DENND2B: variants seen among roughly 807,000 people sequenced by gnomAD.
DENND2B encodes DENN domain containing 2B, also known as DENN domain-containing protein 2B.
DENND2B carries 32 observed loss-of-function variants against 116.0 expected under a neutral mutation model. That is an observed-to-expected ratio of 0.28 (90% CI 0.21 to 0.37). DENND2B has a LOEUF of 0.37. Ranked by LOEUF, DENND2B falls within the 10% of genes least tolerant of loss-of-function variation. The pLI, the probability that DENND2B is intolerant of heterozygous loss-of-function variation, is 1.00. For missense variants in DENND2B, 1,276 were observed against 1,477.7 expected (o/e 0.86, Z 2.24); for synonymous variants, 588 against 583.9 (o/e 1.01, Z -0.10).
At chr11:8,849,598 C>A (rs1261514690) in intron 3 of DENND2B, among the ~76,000 whole-genome samples, 1 of 149,354 alleles carries the variant, frequency 6.7e-6, no homozygotes, top group East Asian at 2.0e-4. Context: ...CCAAGGTGGG[C>A]AGATCACTTG....
intron 2 of DENND2B, among the ~76,000 whole-genome samples, chr11:8,870,269 C>T (rs1395327683): frequency 6.6e-6 from 1 of 152,126 alleles, no homozygotes; most frequent in Admixed American, 6.5e-5. Context: ...ATGCAATAAG[C>T]CCTCTTTAGA....
intron 2 of DENND2B, among the ~76,000 whole-genome samples, chr11:8,746,012 G>A (rs764108015): frequency 6.6e-6 from 1 of 151,652 alleles, no homozygotes; most frequent in African/African-American, 2.4e-5. Context: ...ACTAAGTTTG[G>A]GGTCATTTGT....
chr11:8,859,364 G>A (rs924646479), intron 2 of DENND2B, among the ~76,000 whole-genome samples: 1 of 152,032 alleles, frequency 6.6e-6, no homozygotes, highest in African/African-American at 2.4e-5. Context: ...CTGGAGTGCA[G>A]TGGCGCGATC....
chr11:8,729,903 G>C lies in DENND2B; in HGVS notation c.1340+47C>G, dbSNP rs2047802849. On this transcript the variant is annotated intron_variant, in intron 3 of 19. Coordinates refer to ENST00000313726, the MANE Select transcript of DENND2B (RefSeq NM_213618.2). ...CTGTGTTTGCACTGTCCATTTAAAA[G>C]AAAGCCACGGTATTCAGCTACAACA... 5 of 1,593,208 alleles carry C rather than the reference G, an allele frequency of 3.1e-6. No individual in the cohort carries two copies. The East Asian group carries it at 8.9e-5, about 28-fold the overall frequency.
intron 2 of DENND2B, among the ~76,000 whole-genome samples, chr11:8,733,395 T>C (rs1445864661): frequency 6.6e-6 from 1 of 152,244 alleles, no homozygotes; most frequent in Non-Finnish European, 1.5e-5. Flanking sequence ...AGAGGACAAT[T>C]TCATTTGTTT....
chr11:8,787,334 A>G (rs566000834), intron 1 of DENND2B: 2 of 83,286 alleles, frequency 2.4e-5, no homozygotes, highest in African/African-American at 7.3e-5. Context: ...CAGAGCTGAC[A>G]GTTTTCTTTT....
chr11:8,780,539 C>T (rs997464928), intron 1 of DENND2B, among the ~76,000 whole-genome samples: 8 of 152,124 alleles, frequency 5.3e-5, no homozygotes, highest in Non-Finnish European at 7.4e-5. Context: ...AAGCAGAAGA[C>T]GTATGAAGGA....
At chr11:8,727,320 T>C (rs2047237600) in intron 3 of DENND2B, among the ~76,000 whole-genome samples, 1 of 152,186 alleles carries the variant, frequency 6.6e-6, no homozygotes, top group East Asian at 1.9e-4. Flanking sequence ...AAAAGTGTCC[T>C]GAAGGCTACA....
Position 8,702,435 on chromosome 11 carries a change from A to T in DENND2B, c.2720+137T>A. ...ACACAGGGGTGCTACCTTTCCACCT[A>T]GTCTTCCATCTCCCTACGCACAGCC... On this transcript the variant is annotated intron_variant, in intron 14 of 19. Transcript: ENST00000313726. This position sits in a 1 kb window ranked among gnomAD's most constrained non-coding sequence, Gnocchi z 4.6. 7.9e-7 allele frequency: 1 copy of T among 1,260,638 alleles called. No homozygotes were observed. The highest frequency in any genetic ancestry group is 1.1e-6 in the Non-Finnish European group (1 of 917,714). 78.1% of individuals were successfully genotyped at this position (1,260,638 alleles called of 1,614,324 possible). A position where few individuals can be genotyped will look rare whatever the true frequency, so the allele number is the denominator to read the frequency against.
intron 1 of DENND2B, among the ~76,000 whole-genome samples, chr11:8,764,611 T>A (rs1468531108): frequency 6.6e-6 from 1 of 152,180 alleles, no homozygotes; most frequent in Non-Finnish European, 1.5e-5. Context: ...CTGTCATATC[T>A]TGTGGCAGGA....
intron 1 of DENND2B, among the ~76,000 whole-genome samples, chr11:8,908,525 T>C (rs572548777): frequency 6.6e-6 from 1 of 152,334 alleles, no homozygotes; most frequent in Admixed American, 6.5e-5. Flanking sequence ...CTATGAGGAA[T>C]GTGCTAAAAC....
intron 1 of DENND2B, among the ~76,000 whole-genome samples, chr11:8,886,026 G>T (rs1268680341): frequency 6.6e-6 from 1 of 151,788 alleles, no homozygotes; most frequent in Non-Finnish European, 1.5e-5. Flanking sequence ...TTGCAGCCTC[G>T]ACCTCCCAGG....
At chr11:8,775,161 G>T (rs2057456001) in intron 1 of DENND2B, among the ~76,000 whole-genome samples, 1 of 152,046 alleles carries the variant, frequency 6.6e-6, no homozygotes, top group Non-Finnish European at 1.5e-5. Context: ...GATTACAGAC[G>T]TGGGCCACTG....
intron 1 of DENND2B, among the ~76,000 whole-genome samples, chr11:8,888,084 T>C (rs1033475931): frequency 2.6e-5 from 4 of 152,212 alleles, no homozygotes; most frequent in Admixed American, 6.5e-5. Flanking sequence ...CACAGCAGCA[T>C]CTGTCTGATG....
chr11:8,806,777 T>C lies in DENND2B; in HGVS notation c.-26+3740A>G, dbSNP rs541872997. Among the ~76,000 whole-genome samples, 3 of 151,996 alleles carry C rather than the reference T, an allele frequency of 2.0e-5. No homozygotes were observed. The East Asian group carries it at 5.8e-4, about 29-fold the overall frequency. ...ACCCACCTACTGAGACAGACACACA[T>C]AGCACCTCCCCTCCAGGATGAAACA... is the stretch of plus-strand genomic sequence containing the variant. On this transcript the variant is annotated intron_variant, in intron 1 of 19. Coordinates refer to ENST00000313726, the MANE Select transcript of DENND2B (RefSeq NM_213618.2).
chr11:8,811,582 C>A, upstream of DENND2B: 1 of 368,174 alleles, frequency 2.7e-6, no homozygotes, highest in South Asian at 1.5e-4. Flanking sequence ...CATCCCCATC[C>A]CCATCCTGTC....
rs2042743185 is a variant in DENND2B, at chr11:8,707,137, G to T, written c.2519C>A (p.Ala840Asp). 1.9e-6 allele frequency: 3 copies of T among 1,613,848 alleles called. No homozygotes were observed. The highest frequency in any genetic ancestry group is 2.5e-6 in the Non-Finnish European group (3 of 1,179,870). Residue 840 changes from alanine (A) to aspartate (D), a missense_variant, in exon 13 of 20, where the codon GCC (alanine) becomes GAC (aspartate). Transcript: ENST00000313726. The surrounding 1 kb of genome is among the most constrained non-coding windows in gnomAD (Gnocchi z 4.8). ...MRSLMESPFP[A>D]PGKTIKVKTF... ...CTTCACTTTGATGGTCTTCCCTGGG[G>T]CTGGGAAGGGCGACTCCATGAGACT...
intron 2 of DENND2B, among the ~76,000 whole-genome samples, chr11:8,860,587 A>G (rs758142891): frequency 6.6e-6 from 1 of 152,262 alleles, no homozygotes; most frequent in Non-Finnish European, 1.5e-5. Flanking sequence ...ATGAAATCAA[A>G]GAATCAATAT....
intron 4 of DENND2B, among the ~76,000 whole-genome samples, chr11:8,828,483 C>T (rs943479259): frequency 6.6e-6 from 1 of 152,106 alleles, no homozygotes; most frequent in African/African-American, 2.4e-5. Flanking sequence ...CACAAGAACC[C>T]ACTCTGTGAG....
Sources: allele counts gnomAD v4.1 joint callset (sites outside exome capture counted in the v4.1 genomes callset), GRCh38; gene constraint gnomAD v4.1.1; non-coding constraint Gnocchi (gnomAD v3.1); transcripts MANE v1.5; gene names NCBI Gene and HGNC (gene_info 2026-07-23, HGNC 2026-07-21).